ARHGEF3: variants seen among roughly 807,000 people sequenced by gnomAD.
The protein encoded by ARHGEF3 is Rho guanine nucleotide exchange factor 3, also known as 59.8 kDA protein.
ARHGEF3 carries 28 observed loss-of-function variants against 63.2 expected under a neutral mutation model. That is an observed-to-expected ratio of 0.44 (90% CI 0.33 to 0.61). The LOEUF (loss-of-function observed/expected upper bound fraction) is 0.61, where lower values mean the gene tolerates loss of function less well. ARHGEF3 is among the 20% of genes least tolerant of loss of function. The pLI is 0.03. For synonymous variants in ARHGEF3, 266 were observed against 254.2 expected, an observed-to-expected ratio of 1.05 and a Z score of -0.44; for missense variants, 533 against 659.3, an observed-to-expected ratio of 0.81 and a Z score of 2.10.
At chr3:56,820,192 T>C (rs367751627) in intron 4 of ARHGEF3, among the ~76,000 whole-genome samples, 1 of 152,210 alleles carries the variant, frequency 6.6e-6, no homozygotes, top group Non-Finnish European at 1.5e-5. Flanking sequence ...TGTGCTGTTA[T>C]ACTACTGCCA....
chr3:56,815,801 A>G (rs1447070494), intron 4 of ARHGEF3, among the ~76,000 whole-genome samples: 2 of 152,228 alleles, frequency 1.3e-5, no homozygotes, highest in African/African-American at 4.8e-5. Context: ...CTGTTCCTTC[A>G]GTGGACCAAG....
intron 2 of ARHGEF3, among the ~76,000 whole-genome samples, chr3:57,015,180 C>T (rs1315876566): frequency 1.3e-5 from 2 of 152,186 alleles, no homozygotes; most frequent in Non-Finnish European, 2.9e-5. Context: ...ACTAGGACTG[C>T]TTTTGGCTAC....
chr3:56,879,773 G>A (rs2040706400), intron 4 of ARHGEF3, among the ~76,000 whole-genome samples: 2 of 151,932 alleles, frequency 1.3e-5, no homozygotes, highest in Admixed American at 1.3e-4. Flanking sequence ...AATGCACAAA[G>A]ATAAAGTTCC....
At chr3:57,048,147 C>G (rs998494398) in intron 1 of ARHGEF3, among the ~76,000 whole-genome samples, 3 of 152,180 alleles carry the variant, frequency 2.0e-5, no homozygotes, top group African/African-American at 7.2e-5. Context: ...ACCACCCCGC[C>G]CTAACTCCAT....
At chr3:56,956,231 T>C (rs1700038642) in intron 3 of ARHGEF3, among the ~76,000 whole-genome samples, 1 of 147,252 alleles carries the variant, frequency 6.8e-6, no homozygotes. Context: ...TTTTTTTTTT[T>C]GTTTGTTTGT....
intron 2 of ARHGEF3, among the ~76,000 whole-genome samples, chr3:57,005,507 T>C (rs1385058598): frequency 6.6e-6 from 1 of 152,168 alleles, no homozygotes; most frequent in Non-Finnish European, 1.5e-5. Context: ...AACTGGATTT[T>C]TTTGTGCAAC....
At position 56,930,046 on chromosome 3, in the gene ARHGEF3, C is replaced by CT. The variant is rs532675892; in HGVS notation, c.129+28776_129+28777insA. On this transcript the variant is annotated intron_variant, in intron 3 of 12. Coordinates refer to the ARHGEF3 transcript ENST00000338458. The stretch of plus-strand genomic sequence containing the variant: ...TTCCTGAGTCTGGGTCAACTACCAG[C>CT]CCCCCCCTCCCACCAGCTGTGGCTG... Among the ~76,000 whole-genome samples the CT allele has an allele frequency of 4.8e-5, 4 of 83,390 alleles. No homozygotes were observed. In the East Asian group the frequency reaches 2.7e-3, roughly 56 times the overall value. The allele number at this position is 83,390 out of a possible 152,430, so 54.7% of individuals were successfully genotyped here.
intron 1 of ARHGEF3, among the ~76,000 whole-genome samples, chr3:56,789,550 A>T (rs1012659559): frequency 1.2e-4 from 19 of 152,300 alleles, no homozygotes; most frequent in Admixed American, 3.9e-4. Flanking sequence ...AAATGTCCAA[A>T]TTTCAAGTTT....
At chr3:57,018,997 T>A (rs1218940109) in intron 2 of ARHGEF3, among the ~76,000 whole-genome samples, 2 of 151,786 alleles carry the variant, frequency 1.3e-5, no homozygotes, top group Non-Finnish European at 2.9e-5. Flanking sequence ...AAAAAAAAAA[T>A]TAACAGTATC....
chr3:56,964,277 C>T (rs564765229), intron 2 of ARHGEF3, among the ~76,000 whole-genome samples: 34 of 150,164 alleles, frequency 2.3e-4, no homozygotes, highest in Non-Finnish European at 4.1e-4. Context: ...CACTTGAACC[C>T]GGGAGGCACA....
At chr3:57,009,448 C>A (rs1018781015) in intron 2 of ARHGEF3, among the ~76,000 whole-genome samples, 2 of 152,148 alleles carry the variant, frequency 1.3e-5, no homozygotes, top group Admixed American at 1.3e-4. Context: ...AGTCCCTCAG[C>A]CCCTCAGCCA....
chr3:57,069,413 T>TCACA (rs1705758841), intron 1 of ARHGEF3, among the ~76,000 whole-genome samples: 2 of 116,936 alleles, frequency 1.7e-5, no homozygotes, highest in Non-Finnish European at 3.8e-5. Context: ...ACACACACAT[T>TCACA]GTTTGTTTAA....
chr3:56,816,870 A>G (rs979157623), intron 4 of ARHGEF3, among the ~76,000 whole-genome samples: 1 of 152,198 alleles, frequency 6.6e-6, no homozygotes, highest in African/African-American at 2.4e-5. Context: ...GCCAGAGCCT[A>G]TGATGCAAGG....
intron 2 of ARHGEF3, among the ~76,000 whole-genome samples, chr3:56,983,337 C>T (rs957797764): frequency 6.6e-6 from 1 of 152,102 alleles, no homozygotes; most frequent in African/African-American, 2.4e-5. Context: ...TCAGATGGAC[C>T]ATGGGCTCTT....
At chr3:57,056,959 C>T (rs1704968226) in intron 1 of ARHGEF3, among the ~76,000 whole-genome samples, 1 of 151,912 alleles carries the variant, frequency 6.6e-6, no homozygotes, top group South Asian at 2.1e-4. Context: ...CCCACACACC[C>T]CTGCCCCCTG....
intron 3 of ARHGEF3, among the ~76,000 whole-genome samples, chr3:56,915,338 T>C (rs909302170): frequency 6.6e-6 from 1 of 152,004 alleles, no homozygotes; most frequent in Non-Finnish European, 1.5e-5. Context: ...TGGTGGTGTA[T>C]GCCTGTAGTC....
At chr3:57,026,700 C>T (rs1703489891) in intron 2 of ARHGEF3, among the ~76,000 whole-genome samples, 1 of 152,188 alleles carries the variant, frequency 6.6e-6, no homozygotes, top group African/African-American at 2.4e-5. Flanking sequence ...AGGCAAAACC[C>T]CTCAGAGACA....
intron 1 of ARHGEF3, among the ~76,000 whole-genome samples, chr3:57,068,863 A>G (rs570779039): frequency 6.6e-6 from 1 of 151,984 alleles, no homozygotes; most frequent in Non-Finnish European, 1.5e-5. Flanking sequence ...CAAAATCCCT[A>G]TGAACTGCCG....
intron 2 of ARHGEF3, among the ~76,000 whole-genome samples, chr3:56,965,118 G>C (rs1409249542): frequency 6.6e-6 from 1 of 152,110 alleles, no homozygotes; most frequent in African/African-American, 2.4e-5. Context: ...AACCAGGCAT[G>C]GTAGCATGAG....
Sources: allele counts gnomAD v4.1 joint callset (sites outside exome capture counted in the v4.1 genomes callset), GRCh38; gene constraint gnomAD v4.1.1; transcripts MANE v1.5; gene names NCBI Gene and HGNC (gene_info 2026-07-23, HGNC 2026-07-21).